The following BTBD9 variants were observed in gnomAD, a reference collection of about 807,000 sequenced individuals.
The protein encoded by BTBD9 is BTB domain containing 9, also known as BTB/POZ domain-containing protein 9.
BTBD9 carries 49 observed loss-of-function variants against 64.3 expected under a neutral mutation model. The observed-to-expected ratio is 0.76, with a 90% confidence interval of 0.61 to 0.97. The LOEUF (loss-of-function observed/expected upper bound fraction) is 0.97. Ranked by LOEUF, BTBD9 falls within the 50% of genes least tolerant of loss-of-function variation. BTBD9 has a pLI of 0.00. For missense variants in BTBD9, 598 were observed against 762.1 expected, an observed-to-expected ratio of 0.78 and a Z score of 2.53; for synonymous variants, 260 against 274.7, an observed-to-expected ratio of 0.95 and a Z score of 0.53.
At chr6:38,406,703 G>C (rs996609214) in intron 6 of BTBD9, among the ~76,000 whole-genome samples, 1 of 152,144 alleles carries the variant, frequency 6.6e-6, no homozygotes, top group South Asian at 2.1e-4. Context: ...TAATCACCTT[G>C]GTGAGGAAGG....
chr6:38,616,553 C>T (rs940032932), intron 1 of BTBD9, among the ~76,000 whole-genome samples: 1 of 152,034 alleles, frequency 6.6e-6, no homozygotes, highest in Non-Finnish European at 1.5e-5. Context: ...AGCTGGACTT[C>T]CTGGGTCGGA....
intron 6 of BTBD9, among the ~76,000 whole-genome samples, chr6:38,354,895 GAGAA>G (rs1277032098): frequency 1.3e-5 from 2 of 151,692 alleles, no homozygotes; most frequent in African/African-American, 4.9e-5. Context: ...AATAACAGGA[GAGAA>G]AGAGAGAGAC....
At chr6:38,195,442 C>T (rs1762244441) in intron 9 of BTBD9, among the ~76,000 whole-genome samples, 1 of 152,156 alleles carries the variant, frequency 6.6e-6, no homozygotes, top group African/African-American at 2.4e-5. Context: ...AGAGCCAGGG[C>T]TGGGCGCTGA....
At chr6:38,512,261 C>T (rs985312648) in intron 6 of BTBD9, among the ~76,000 whole-genome samples, 1 of 152,200 alleles carries the variant, frequency 6.6e-6, no homozygotes, top group Non-Finnish European at 1.5e-5. Flanking sequence ...GCGTGAACCA[C>T]CATGCCCGGC....
chr6:38,615,704 T>G (rs1361275909), intron 1 of BTBD9, among the ~76,000 whole-genome samples: 1 of 152,224 alleles, frequency 6.6e-6, no homozygotes, highest in Non-Finnish European at 1.5e-5. Context: ...TTTTCTTCAC[T>G]GCTCTTAGCC....
Position 38,604,945 on chromosome 6 carries a change from G to A in BTBD9, c.-27-6824C>T, listed in dbSNP as rs188428011. ...ACTCTTAGGCTCAAGTGCTTTTCCC[G>A]CCTTAGCCTCTCAAGTAGCTGGGAC... On this transcript the variant is annotated intron_variant, in intron 1 of 10. Transcript: ENST00000481247. Among the ~76,000 whole-genome samples, 561 of 152,174 alleles carry A rather than the reference G, an allele frequency of 3.7e-3. 4 individuals carry two copies. Among genetic ancestry groups the A allele is most frequent in the Non-Finnish European group, 5.6e-3 (383 of 68,014 alleles).
At chr6:38,529,159 G>A (rs748117569) in intron 6 of BTBD9, among the ~76,000 whole-genome samples, 12 of 152,194 alleles carry the variant, frequency 7.9e-5, no homozygotes, top group Non-Finnish European at 1.8e-4. Flanking sequence ...AGTGGTCACT[G>A]TGGGGCTTGG....
chr6:38,313,055 T>C (rs28806180), intron 7 of BTBD9, among the ~76,000 whole-genome samples: 6,616 of 152,264 alleles, frequency 0.043, 495 homozygotes, highest in African/African-American at 0.15. Flanking sequence ...TATCTTTACT[T>C]TTTTTGTGTC....
At chr6:38,455,778 G>A (rs1450412085) in intron 6 of BTBD9, among the ~76,000 whole-genome samples, 1 of 152,070 alleles carries the variant, frequency 6.6e-6, no homozygotes, top group African/African-American at 2.4e-5. Context: ...GCGCGATCTC[G>A]GCTCACCGCA....
At chr6:38,484,188 A>G (rs895865796) in intron 6 of BTBD9, among the ~76,000 whole-genome samples, 2 of 152,256 alleles carry the variant, frequency 1.3e-5, no homozygotes, top group Admixed American at 1.3e-4. Context: ...AAGGTGAGAC[A>G]TAATAACTAG....
intron 8 of BTBD9, among the ~76,000 whole-genome samples, chr6:38,273,084 G>A (rs192419397): frequency 6.6e-6 from 1 of 152,154 alleles, no homozygotes; most frequent in Admixed American, 6.6e-5. Context: ...AATGCAAAGG[G>A]TGTATAGGAC....
At chr6:38,188,474 G>A (rs1489096774) in intron 10 of BTBD9, among the ~76,000 whole-genome samples, 1 of 152,220 alleles carries the variant, frequency 6.6e-6, no homozygotes, top group Non-Finnish European at 1.5e-5. Context: ...TGGGCCATTC[G>A]GCAAAGCGTG....
intron 9 of BTBD9, among the ~76,000 whole-genome samples, chr6:38,234,372 T>A (rs773799248): frequency 3.9e-5 from 6 of 152,186 alleles, no homozygotes; most frequent in African/African-American, 9.7e-5. Flanking sequence ...CCCAGGTATG[T>A]GACAGTTAAG....
At position 38,534,004 on chromosome 6, in the gene BTBD9, G is replaced by C. The variant is rs1014486432; in HGVS notation, c.1154+43596C>G. On this transcript the variant is annotated intron_variant, in intron 6 of 10. Transcript: ENST00000481247. ...AAAAAGAGCAAATCAAACCAAAAAT[G>C]AGTAAAAGAAAATAAATAAAAATCA... 2.0e-5 allele frequency among the ~76,000 whole-genome samples: 3 copies of C among 151,918 alleles called. No individual in the cohort carries two copies. In the South Asian group the frequency reaches 6.2e-4, roughly 32 times the overall value.
chr6:38,228,703 G>A (rs564634670), intron 9 of BTBD9, among the ~76,000 whole-genome samples: 7 of 151,598 alleles, frequency 4.6e-5, no homozygotes, highest in South Asian at 2.1e-4. Flanking sequence ...GTGAAACCCC[G>A]TCTCTACTAG....
intron 6 of BTBD9, among the ~76,000 whole-genome samples, chr6:38,415,627 T>C (rs1333099849): frequency 6.6e-6 from 1 of 151,724 alleles, no homozygotes; most frequent in Non-Finnish European, 1.5e-5. Context: ...AGGTGGAGAG[T>C]TATCCTCTAC....
chr6:38,493,205 A>G (rs952944564), intron 6 of BTBD9, among the ~76,000 whole-genome samples: 53 of 152,380 alleles, frequency 3.5e-4, no homozygotes, highest in African/African-American at 1.0e-3. Context: ...AGAATTATTT[A>G]TGCCTACAAA....
Position 38,371,455 on chromosome 6 carries a change from C to T in BTBD9, c.1155-26362G>A, listed in dbSNP as rs571036977. Among the ~76,000 whole-genome samples, 532 of 152,290 alleles carry T rather than the reference C, an allele frequency of 3.5e-3. 4 individuals are homozygous for T. Among genetic ancestry groups the T allele is most frequent in the Non-Finnish European group, 6.1e-3 (414 of 68,020 alleles). On this transcript the variant is annotated intron_variant, in intron 6 of 10. Coordinates refer to ENST00000481247, the MANE Select transcript of BTBD9 (RefSeq NM_001099272.2). ...GGACTAGGGTAGACCGTGAGCCTTC[C>T]TTCCCAGGATCTCATCCAGCACATG...
At chr6:38,185,888 C>A (rs182962932) in intron 10 of BTBD9, among the ~76,000 whole-genome samples, 1 of 152,306 alleles carries the variant, frequency 6.6e-6, no homozygotes, top group East Asian at 1.9e-4. Flanking sequence ...ACAGTCCCTG[C>A]AGCCCGTTGT....
Sources: gnomAD v4.1 joint callset for allele counts (sites outside exome capture counted in the v4.1 genomes callset) on GRCh38, gnomAD v4.1.1 for gene constraint, MANE v1.5 for transcripts, NCBI Gene and HGNC (gene_info 2026-07-23, HGNC 2026-07-21) for gene names.